Variants in KDM4C observed in about 807,000 individuals in gnomAD.
KDM4C encodes lysine-specific demethylase 4C.
A neutral mutation model predicts 129.3 loss-of-function variants in KDM4C; 81 were observed. The ratio of observed to expected loss-of-function variants is 0.63; its 90% CI spans 0.52 to 0.75. The LOEUF is 0.75. Ranked by LOEUF, KDM4C falls within the 30% of genes least tolerant of loss-of-function variation. The pLI is 0.00. For synonymous variants in KDM4C, 573 were observed against 456.1 expected (o/e 1.26, Z -3.26); for missense variants, 1,457 against 1,304.0 (o/e 1.12, Z -1.81).
At chr9:7,103,577 G>GTTTTTTTT in intron 17 of KDM4C, 108 bp from the exon 18 acceptor site, 1 of 830,180 alleles carries the variant, frequency 1.2e-6, no homozygotes, top group African/African-American at 1.8e-5. Flanking sequence ...GATGTAATCA[G>GTTTTTTTT]TTGTTTTTTT....
intron 11 of KDM4C, among the ~76,000 whole-genome samples, chr9:6,987,102 A>G (rs1017048299): frequency 1.3e-5 from 2 of 152,140 alleles, no homozygotes; most frequent in African/African-American, 4.8e-5. Context: ...TCACCTGCAG[A>G]AGAATTCATC....
chr9:6,974,222 C>T lies in KDM4C; in HGVS notation c.922-6703C>T, dbSNP rs777872693. Among the ~76,000 whole-genome samples the T allele has an allele frequency of 4.6e-5, 7 of 152,070 alleles. No homozygotes were observed. In the East Asian group the frequency reaches 7.7e-4, roughly 17 times the overall value. On this transcript the variant is annotated intron_variant, in intron 8 of 21. Transcript: ENST00000381309. ...GGATGCGTTCTAATTGTGTTAACTTCGTCATTGAAAAAGAAATACCTGAAA... is the reference window on the plus strand; with the variant it reads ...GGATGCGTTCTAATTGTGTTAACTTTGTCATTGAAAAAGAAATACCTGAAA...
At chr9:6,956,628 A>G (rs566937131) in intron 8 of KDM4C, among the ~76,000 whole-genome samples, 8 of 152,294 alleles carry the variant, frequency 5.3e-5, no homozygotes, top group South Asian at 4.2e-4. Context: ...TTGTACTACA[A>G]TGGCTGACTT....
At chr9:7,135,223 C>G (rs16925462) in intron 19 of KDM4C, among the ~76,000 whole-genome samples, 1,640 of 149,926 alleles carry the variant, frequency 0.011, 62 homozygotes, top group Admixed American at 0.068. Context: ...TCAGTAGTTG[C>G]CACAAAGACA....
At chr9:6,884,884 A>G (rs1185967525) in intron 6 of KDM4C, among the ~76,000 whole-genome samples, 3 of 152,234 alleles carry the variant, frequency 2.0e-5, no homozygotes, top group African/African-American at 7.2e-5. Flanking sequence ...TAAACTATAA[A>G]CCAGTTGACA....
intron 8 of KDM4C, among the ~76,000 whole-genome samples, chr9:6,917,136 G>A (rs1439578120): frequency 6.6e-6 from 1 of 152,188 alleles, no homozygotes; most frequent in Non-Finnish European, 1.5e-5. Flanking sequence ...GGCATGAATT[G>A]CAGGGCTGTG....
At chr9:6,866,031 G>A (rs1841906052) in intron 5 of KDM4C, among the ~76,000 whole-genome samples, 1 of 151,998 alleles carries the variant, frequency 6.6e-6, no homozygotes, top group African/African-American at 2.4e-5. Context: ...GGGATTCACC[G>A]TGCCTGGCCA....
At chr9:6,793,769 C>T (rs866713930) in intron 2 of KDM4C, among the ~76,000 whole-genome samples, 6 of 152,204 alleles carry the variant, frequency 3.9e-5, no homozygotes, top group Admixed American at 1.3e-4. Flanking sequence ...TCTTGAACTC[C>T]TGACCTCAGG....
Position 6,831,377 on chromosome 9 carries a change from A to ATTTT in KDM4C, c.435+16637_435+16640dup, listed in dbSNP as rs545226248. Among the ~76,000 whole-genome samples, 536 of 150,800 alleles carry ATTTT rather than the reference A, an allele frequency of 3.6e-3. 5 individuals are homozygous for ATTTT. Among genetic ancestry groups the ATTTT allele is most frequent in the African/African-American group, 0.013 (515 of 40,834 alleles). ...GATGAGATCTTTTTTATTTTTATTT[A>ATTTT]TTTTTTTTGAGACAGAGCCTCACTC... is the stretch of plus-strand genomic sequence containing the variant. On this transcript the variant is annotated intron_variant, in intron 4 of 21. Transcript: ENST00000381309.
In KDM4C at chr9:7,052,909, G is replaced by GCGACAGA. The variant is rs767668455; in HGVS notation, c.2424+3709_2424+3710insCGACAGA. Among the ~76,000 whole-genome samples, 2 of 100,150 alleles carry GCGACAGA rather than the reference G, an allele frequency of 2.0e-5. 1 individual carries two copies. The allele number at this position is 100,150 out of a possible 152,430, so 65.7% of individuals were successfully genotyped here. A position where few individuals can be genotyped will look rare whatever the true frequency, so the allele number is the denominator to read the frequency against. On this transcript the variant is annotated intron_variant, in intron 17 of 21. Transcript: ENST00000381309. ...AGAGAGAGAGAGAGAGAGCGAGCGA[G>GCGACAGA]TGCCCAAGGGATGACAATAGAGCAT...
chr9:7,007,144 A>G (rs1051179958), intron 12 of KDM4C, among the ~76,000 whole-genome samples: 1 of 152,150 alleles, frequency 6.6e-6, no homozygotes, highest in Non-Finnish European at 1.5e-5. Context: ...GCCACTGCTT[A>G]TGTTTCCTTA....
chr9:6,754,073 A>G (rs532501309), upstream of KDM4C, among the ~76,000 whole-genome samples: 103 of 151,446 alleles, frequency 6.8e-4, no homozygotes, highest in African/African-American at 2.3e-3. Context: ...ACAGGGTTTC[A>G]CCGTGCTAGC....
At chr9:7,005,045 A>C (rs1821407367) in intron 12 of KDM4C, among the ~76,000 whole-genome samples, 1 of 152,130 alleles carries the variant, frequency 6.6e-6, no homozygotes, top group South Asian at 2.1e-4. Flanking sequence ...TAATTGACAA[A>C]GGCTTGAGTC....
chr9:6,741,040 G>T (rs570357963), intron 1 of KDM4C, among the ~76,000 whole-genome samples: 31 of 151,988 alleles, frequency 2.0e-4, no homozygotes, highest in African/African-American at 6.8e-4. Flanking sequence ...GGCCAGGCTG[G>T]TCTCAAACTC....
intron 1 of KDM4C, among the ~76,000 whole-genome samples, chr9:6,765,298 C>T (rs1012470120): frequency 2.6e-5 from 4 of 152,102 alleles, no homozygotes; most frequent in South Asian, 2.1e-4. Context: ...CTGTTTTTTG[C>T]CTGACTGATT....
intron 5 of KDM4C, among the ~76,000 whole-genome samples, chr9:6,876,400 G>A (rs982113757): frequency 1.3e-5 from 2 of 152,176 alleles, no homozygotes; most frequent in Non-Finnish European, 2.9e-5. Context: ...GATCTGTTCC[G>A]TGTTGTTCTG....
chr9:6,870,724 A>G (rs962776810), intron 5 of KDM4C, among the ~76,000 whole-genome samples: 7 of 151,948 alleles, frequency 4.6e-5, no homozygotes, highest in African/African-American at 1.7e-4. Flanking sequence ...ATTGTCCTTG[A>G]GGTACTGGGC....
chr9:7,015,021 T>A (rs1823408729), intron 14 of KDM4C, among the ~76,000 whole-genome samples: 1 of 151,934 alleles, frequency 6.6e-6, no homozygotes, highest in Non-Finnish European at 1.5e-5. Context: ...ATAATCTGAT[T>A]CCTGAATGTA....
At chr9:6,928,640 G>A (rs867853880) in intron 8 of KDM4C, among the ~76,000 whole-genome samples, 72 of 151,804 alleles carry the variant, frequency 4.7e-4, no homozygotes, top group Middle Eastern at 6.8e-3. Context: ...TGTTTGTGGC[G>A]GATGAAAGCT....
Sources: allele counts gnomAD v4.1 joint callset (sites outside exome capture counted in the v4.1 genomes callset), GRCh38; gene constraint gnomAD v4.1.1; transcripts MANE v1.5; gene names NCBI Gene and HGNC (gene_info 2026-07-23, HGNC 2026-07-21).